The following MGAT4C variants were observed in gnomAD, a reference collection of about 807,000 sequenced individuals.
MGAT4C encodes MGAT4 family member C, also known as alpha-1,3-mannosyl-glycoprotein 4-beta-N-acetylglucosaminyltransferase C.
MGAT4C carries 19 observed loss-of-function variants against 40.1 expected under a neutral mutation model. The observed-to-expected ratio is 0.47, with a 90% CI of 0.33 to 0.70. The LOEUF (loss-of-function observed/expected upper bound fraction) is 0.70, where lower values mean the gene tolerates loss of function less well. Ranked by LOEUF, MGAT4C falls within the 30% of genes least tolerant of loss-of-function variation. The pLI, the probability that MGAT4C is intolerant of heterozygous loss-of-function variation, is 0.02. For synonymous variants in MGAT4C, 181 were observed against 187.1 expected (o/e 0.97, Z 0.27); for missense variants, 491 against 563.2 (o/e 0.87, Z 1.30).
At chr12:86,026,080 C>T (rs1304875778) in intron 2 of MGAT4C, among the ~76,000 whole-genome samples, 1 of 151,738 alleles carries the variant, frequency 6.6e-6, no homozygotes, top group African/African-American at 2.4e-5. Context: ...CATGTTCTTG[C>T]TAACACCGAA....
intron 1 of MGAT4C, among the ~76,000 whole-genome samples, chr12:86,763,192 T>C (rs1951436409): frequency 6.6e-6 from 1 of 152,192 alleles, no homozygotes; most frequent in South Asian, 2.1e-4. Context: ...ACAAATTGTA[T>C]GTAAGTGACA....
intron 3 of MGAT4C, among the ~76,000 whole-genome samples, chr12:86,359,136 C>G (rs1310315286): frequency 6.6e-6 from 1 of 152,102 alleles, no homozygotes; most frequent in East Asian, 1.9e-4. Flanking sequence ...TCTTTCAGAC[C>G]ACAGTGCAAT....
At chr12:86,305,138 T>C (rs1339729159) in intron 4 of MGAT4C, among the ~76,000 whole-genome samples, 2 of 150,700 alleles carry the variant, frequency 1.3e-5, no homozygotes, top group Admixed American at 6.6e-5. Context: ...ACTTGAATAG[T>C]AAGTTAAGAA....
At chr12:86,094,788 A>T (rs539673031) in intron 1 of MGAT4C, among the ~76,000 whole-genome samples, 1 of 152,164 alleles carries the variant, frequency 6.6e-6, no homozygotes. Flanking sequence ...CCTGTGAGGA[A>T]TGATGTGGAT....
In MGAT4C at chr12:86,340,403, ATAT is replaced by A. The variant is rs151115171; in HGVS notation, c.-119-6279_-119-6277del. Among the ~76,000 whole-genome samples, 8 of 152,142 alleles carry A rather than the reference ATAT, an allele frequency of 5.3e-5. No homozygotes were observed. The East Asian group carries it at 1.4e-3, about 26-fold the overall frequency. On this transcript the variant is annotated intron_variant, in intron 3 of 7. Transcript: ENST00000548651. ...TAAAAAATGTTTAGCTTGAAAGCCT[ATAT>A]TCAACAAAAAGAATGATTTAAAATA... is the stretch of plus-strand genomic sequence containing the variant.
intron 1 of MGAT4C, among the ~76,000 whole-genome samples, chr12:86,732,231 T>G (rs1950922540): frequency 2.0e-5 from 3 of 152,176 alleles, no homozygotes. Context: ...ACTTTCTATT[T>G]AGTTCATCAA....
intron 3 of MGAT4C, among the ~76,000 whole-genome samples, chr12:86,394,875 C>T (rs1956228760): frequency 6.6e-6 from 1 of 151,700 alleles, no homozygotes; most frequent in Non-Finnish European, 1.5e-5. Context: ...CTCAGCCTCC[C>T]AAAGTGCTGG....
chr12:86,458,679 TCA>T (rs1957547823), intron 2 of MGAT4C, among the ~76,000 whole-genome samples: 1 of 152,230 alleles, frequency 6.6e-6, no homozygotes, highest in Non-Finnish European at 1.5e-5. Flanking sequence ...GGAATGAATA[TCA>T]CAGTTTGCTT....
At chr12:86,161,183 A>G (rs1357452280) in intron 1 of MGAT4C, among the ~76,000 whole-genome samples, 1 of 152,156 alleles carries the variant, frequency 6.6e-6, no homozygotes, top group Non-Finnish European at 1.5e-5. Context: ...GTCACCAAAA[A>G]AGAGCCCAAA....
At chr12:86,300,561 A>C (rs1300948270) in intron 4 of MGAT4C, among the ~76,000 whole-genome samples, 1 of 152,166 alleles carries the variant, frequency 6.6e-6, no homozygotes, top group Non-Finnish European at 1.5e-5. Context: ...GACAAGAACA[A>C]ATGTGAAGTG....
intron 3 of MGAT4C, among the ~76,000 whole-genome samples, chr12:86,422,932 G>A (rs1045712451): frequency 1.3e-5 from 2 of 152,120 alleles, no homozygotes; most frequent in African/African-American, 2.4e-5. Flanking sequence ...CCAGTGTCAA[G>A]TGCTGAGAGC....
chr12:86,425,760 G>C (rs1956913845), intron 3 of MGAT4C, among the ~76,000 whole-genome samples: 2 of 152,130 alleles, frequency 1.3e-5, no homozygotes. Flanking sequence ...TCAATGAGAA[G>C]ACTGAAGTAT....
At chr12:86,517,447 A>G (rs375264169) in intron 2 of MGAT4C, among the ~76,000 whole-genome samples, 2 of 152,152 alleles carry the variant, frequency 1.3e-5, no homozygotes, top group Admixed American at 1.3e-4. Context: ...TAACCACTCA[A>G]GAATCAGAAC....
intron 2 of MGAT4C, among the ~76,000 whole-genome samples, chr12:86,474,466 C>G (rs1957803290): frequency 6.6e-6 from 1 of 151,514 alleles, no homozygotes; most frequent in Non-Finnish European, 1.5e-5. Context: ...CACATGTATA[C>G]ATATGTAACA....
At chr12:86,477,213 T>C (rs1050900560) in intron 2 of MGAT4C, among the ~76,000 whole-genome samples, 3 of 152,010 alleles carry the variant, frequency 2.0e-5, no homozygotes, top group African/African-American at 7.2e-5. Context: ...GTGGTCTATA[T>C]ACAACATGGT....
At chr12:86,189,870 A>C (rs17285722) in intron 1 of MGAT4C, among the ~76,000 whole-genome samples, 2,233 of 152,160 alleles carry the variant, frequency 0.015, 35 homozygotes, top group Admixed American at 0.036. Context: ...ACATTCAGGC[A>C]GCAAATCATG....
chr12:86,545,238 TATTG>T (rs1386468713), intron 2 of MGAT4C, among the ~76,000 whole-genome samples: 1 of 152,004 alleles, frequency 6.6e-6, no homozygotes, highest in Non-Finnish European at 1.5e-5. Flanking sequence ...TAATGCAACT[TATTG>T]ACATGAAGAT....
intron 2 of MGAT4C, among the ~76,000 whole-genome samples, chr12:86,490,447 C>T (rs578248081): frequency 3.9e-5 from 6 of 151,938 alleles, no homozygotes; most frequent in African/African-American, 7.2e-5. Flanking sequence ...AAGGAACAAC[C>T]GGTACCAGCC....
intron 2 of MGAT4C, among the ~76,000 whole-genome samples, chr12:86,702,225 A>T (rs59469568): frequency 0.037 from 5,210 of 139,136 alleles, 162 homozygotes; most frequent in African/African-American, 0.09. Flanking sequence ...TTTTTTTTTC[A>T]GAGATGTAGT....
Sources: gnomAD v4.1 joint callset for allele counts (sites outside exome capture counted in the v4.1 genomes callset) on GRCh38, gnomAD v4.1.1 for gene constraint, MANE v1.5 for transcripts, NCBI Gene and HGNC (gene_info 2026-07-23, HGNC 2026-07-21) for gene names.